Variants in CSMD1 observed in about 807,000 individuals in gnomAD.
CSMD1 encodes the protein CUB and Sushi multiple domains 1, also known as CUB and sushi domain-containing protein 1.
In CSMD1, 213 loss-of-function variants were observed where a neutral mutation model predicts 417.5. The ratio of observed to expected loss-of-function variants is 0.51; its 90% CI spans 0.46 to 0.57. CSMD1 has a LOEUF of 0.57. CSMD1 is among the 20% of genes least tolerant of loss of function. The pLI, the probability that CSMD1 is intolerant of heterozygous loss-of-function variation, is 0.00. For missense variants in CSMD1, 6,923 were observed against 4,529.7 expected (o/e 1.53, Z -15.17); for synonymous variants, 2,862 against 1,736.8 (o/e 1.65, Z -16.11).
intron 1 of CSMD1, among the ~76,000 whole-genome samples, chr8:4,675,341 T>C (rs574220865): frequency 1.3e-5 from 2 of 152,240 alleles, no homozygotes; most frequent in South Asian, 2.1e-4. Flanking sequence ...AATAAATGAG[T>C]GTAGAGAAAT....
intron 1 of CSMD1, among the ~76,000 whole-genome samples, chr8:4,726,123 G>T (rs774917674): frequency 9.2e-5 from 14 of 152,108 alleles, no homozygotes; most frequent in Non-Finnish European, 2.1e-4. Context: ...GGGAGGACAA[G>T]ACGTCATCTG....
intron 25 of CSMD1, among the ~76,000 whole-genome samples, chr8:3,303,582 A>G (rs1012342103): frequency 3.3e-5 from 5 of 152,220 alleles, no homozygotes; most frequent in Admixed American, 2.0e-4. Context: ...TAGGAACAGA[A>G]GTACATTCAA....
intron 3 of CSMD1, among the ~76,000 whole-genome samples, chr8:4,331,162 G>A (rs1339952923): frequency 6.6e-6 from 1 of 152,016 alleles, no homozygotes; most frequent in Non-Finnish European, 1.5e-5. Flanking sequence ...CAAATTATTT[G>A]CCTGATAAGA....
At chr8:4,871,682 T>G (rs1230376352) in intron 1 of CSMD1, among the ~76,000 whole-genome samples, 8 of 152,138 alleles carry the variant, frequency 5.3e-5, no homozygotes, top group Non-Finnish European at 1.2e-4. Flanking sequence ...AATTAAATAT[T>G]AATGAATCTA....
chr8:2,948,591 G>C (rs531845266), intron 68 of CSMD1, among the ~76,000 whole-genome samples: 1 of 152,150 alleles, frequency 6.6e-6, no homozygotes, highest in East Asian at 1.9e-4. Flanking sequence ...AGTATAATTT[G>C]TTACATAAAA....
intron 1 of CSMD1, among the ~76,000 whole-genome samples, chr8:4,837,520 T>C (rs1212385327): frequency 1.3e-5 from 2 of 152,180 alleles, no homozygotes; most frequent in Admixed American, 6.5e-5. Context: ...GTATAGCTTT[T>C]TGCAGCTTTG....
chr8:3,374,289 G>C (rs923759638), intron 18 of CSMD1, among the ~76,000 whole-genome samples: 1 of 151,966 alleles, frequency 6.6e-6, no homozygotes, highest in Admixed American at 6.6e-5. Context: ...TCTGTCTTTT[G>C]TCCTCTACTT....
intron 3 of CSMD1, among the ~76,000 whole-genome samples, chr8:4,106,284 G>A (rs939286970): frequency 6.6e-6 from 1 of 152,104 alleles, no homozygotes; most frequent in African/African-American, 2.4e-5. Context: ...TGTTTCTGTG[G>A]GTGGGAAAAT....
chr8:4,233,684 A>T (rs1025333442), intron 3 of CSMD1, among the ~76,000 whole-genome samples: 1 of 152,148 alleles, frequency 6.6e-6, no homozygotes, highest in Non-Finnish European at 1.5e-5. Flanking sequence ...AAGCTATCCA[A>T]TGTATGGAAT....
chr8:4,169,499 C>G (rs897017625), intron 3 of CSMD1, among the ~76,000 whole-genome samples: 1 of 152,148 alleles, frequency 6.6e-6, no homozygotes, highest in African/African-American at 2.4e-5. Flanking sequence ...TCTACTGCGG[C>G]CTTGTCTCCA....
At chr8:3,413,965 C>A (rs1426882461) in intron 12 of CSMD1, among the ~76,000 whole-genome samples, 2 of 151,318 alleles carry the variant, frequency 1.3e-5, no homozygotes, top group Admixed American at 6.6e-5. Flanking sequence ...ATCATGAAAC[C>A]CTATCTCTAC....
At position 4,265,596 on chromosome 8, in the gene CSMD1, A is replaced by G. The variant is rs1344472640; in HGVS notation, c.415+154357T>C. On this transcript the variant is annotated intron_variant, in intron 3 of 69. Coordinates refer to ENST00000635120, the MANE Select transcript of CSMD1 (RefSeq NM_033225.6). ...TATGCTATATTTTATGGAATACAAA[A>G]CAAGGATAATTATTAAAAATAATGA... is the stretch of plus-strand genomic sequence containing the variant. 1.9e-5 allele frequency among the ~76,000 whole-genome samples: 2 copies of G among 105,880 alleles called. 1 individual carries two copies. The highest frequency in any genetic ancestry group is 5.1e-5 in the Non-Finnish European group (2 of 39,358). 69.5% of individuals were successfully genotyped at this position (105,880 alleles called of 152,430 possible). A position where few individuals can be genotyped will look rare whatever the true frequency, so the allele number is the denominator to read the frequency against.
chr8:4,185,335 A>T (rs1798602502), intron 3 of CSMD1, among the ~76,000 whole-genome samples: 1 of 152,054 alleles, frequency 6.6e-6, no homozygotes, highest in Non-Finnish European at 1.5e-5. Flanking sequence ...GGCTCACAAT[A>T]GTTTTGTCAC....
At chr8:4,502,483 C>A (rs982471191) in intron 2 of CSMD1, among the ~76,000 whole-genome samples, 1 of 152,108 alleles carries the variant, frequency 6.6e-6, no homozygotes, top group East Asian at 1.9e-4. Context: ...ACAGTCATTA[C>A]CAAATTCTGA....
intron 3 of CSMD1, among the ~76,000 whole-genome samples, chr8:4,359,739 C>A (rs578100310): frequency 3.9e-5 from 6 of 152,314 alleles, no homozygotes; most frequent in African/African-American, 1.4e-4. Context: ...GCCTGGCCCA[C>A]TTCTACATTC....
At chr8:3,196,150 C>A (rs1200939010) in intron 33 of CSMD1, among the ~76,000 whole-genome samples, 1 of 152,128 alleles carries the variant, frequency 6.6e-6, no homozygotes, top group Non-Finnish European at 1.5e-5. Flanking sequence ...TCATTATATA[C>A]TAATTATAAT....
rs565158360 is a variant in CSMD1 at position 3,017,477 on chromosome 8, AAT to A, written c.8029+998_8029+999del. The stretch of plus-strand genomic sequence containing the variant: ...ACTCATATATATAATTGTGTTCAAT[AAT>A]ATATAATGCACTAAATATATTACAT... On this transcript the variant is annotated intron_variant, in intron 52 of 69. Coordinates refer to ENST00000635120, the MANE Select transcript of CSMD1 (RefSeq NM_033225.6). 2.0e-5 allele frequency among the ~76,000 whole-genome samples: 3 copies of A among 152,350 alleles called. No homozygotes were observed. The South Asian group carries it at 6.2e-4, about 32-fold the overall frequency.
At chr8:4,981,493 C>A (rs548871897) in intron 1 of CSMD1, among the ~76,000 whole-genome samples, 1 of 152,156 alleles carries the variant, frequency 6.6e-6, no homozygotes, top group Non-Finnish European at 1.5e-5. Flanking sequence ...TTCACAAATG[C>A]ACTGGGGAAA....
intron 1 of CSMD1, among the ~76,000 whole-genome samples, chr8:4,800,329 G>A (rs976330721): frequency 2.0e-5 from 3 of 151,524 alleles, no homozygotes; most frequent in Admixed American, 6.6e-5. Flanking sequence ...TACTCGTGAG[G>A]CTGAGGCAGG....
Sources: allele counts gnomAD v4.1 joint callset (sites outside exome capture counted in the v4.1 genomes callset), GRCh38; gene constraint gnomAD v4.1.1; transcripts MANE v1.5; gene names NCBI Gene and HGNC (gene_info 2026-07-23, HGNC 2026-07-21).